SLC25A31: variants seen among roughly 807,000 people sequenced by gnomAD.
SLC25A31 encodes solute carrier family 25 member 31, also known as ADP/ATP translocase 4.
Under a neutral mutation model 36.2 loss-of-function variants are expected in SLC25A31, and 40 were observed. The observed-to-expected ratio is 1.10, with a 90% CI of 0.86 to 1.44. The LOEUF (loss-of-function observed/expected upper bound fraction) is 1.44, where lower values mean the gene tolerates loss of function less well. SLC25A31 is among the 40% of genes most tolerant of loss of function. The probability of loss-of-function intolerance (pLI) is 0.00; values close to 1 mark genes in which losing one functional copy is unlikely to be tolerated. For synonymous variants in SLC25A31, 143 were observed against 149.7 expected, an observed-to-expected ratio of 0.96 and a Z score of 0.32; for missense variants, 350 against 397.1, an observed-to-expected ratio of 0.88 and a Z score of 1.01.
chr4:127,738,932 T>C (rs1731683640), intron 1 of SLC25A31, among the ~76,000 whole-genome samples: 1 of 152,210 alleles, frequency 6.6e-6, no homozygotes, highest in Admixed American at 6.5e-5. Flanking sequence ...TGACCCCTGC[T>C]CTTTTTTGTT....
chr4:127,770,189 G>A lies in SLC25A31; in HGVS notation c.759+1312G>A, dbSNP rs188283042. 9.8e-5 allele frequency among the ~76,000 whole-genome samples: 15 copies of A among 152,290 alleles called. No homozygotes were observed. The East Asian group carries it at 2.5e-3, about 25-fold the overall frequency. ...TCTTTTCTTTCTATAGCTAGCTCTA[G>A]TTTAGCACATTGAGAAACTTTTTAA... On this transcript the variant is annotated intron_variant, in intron 5 of 5. Transcript: ENST00000281154.
chr4:127,742,649 G>T (rs1169895086), intron 1 of SLC25A31, among the ~76,000 whole-genome samples: 3 of 152,220 alleles, frequency 2.0e-5, no homozygotes, highest in East Asian at 1.9e-4. Context: ...TGGCATTTTG[G>T]TAACACTAAT....
intron 5 of SLC25A31, 78 bp downstream of exon 5, chr4:127,768,955 A>C: frequency 7.4e-7 from 1 of 1,350,984 alleles, no homozygotes; most frequent in Non-Finnish European, 9.9e-7. Context: ...ATTTAAGAGA[A>C]ATGTTGGCTG....
intron 1 of SLC25A31, among the ~76,000 whole-genome samples, chr4:127,735,546 T>A (rs1731608583): frequency 2.0e-5 from 3 of 152,228 alleles, no homozygotes; most frequent in Admixed American, 6.5e-5. Flanking sequence ...GTAAGCTCCA[T>A]AAGATCAGGA....
rs191715230 is a variant in SLC25A31, at chr4:127,737,621, G to A, written c.232+6844G>A. Among the ~76,000 whole-genome samples, 26 of 151,738 alleles carry A rather than the reference G, an allele frequency of 1.7e-4. No homozygotes were observed. The East Asian group carries it at 1.7e-3, about 10-fold the overall frequency. ...CCAGGCTGGACTGCAGGGCACAATC[G>A]TGACTTAACTGCAGCCTGGAGTTTT... On this transcript the variant is annotated intron_variant, in intron 1 of 5. Transcript: ENST00000281154.
intron 2 of SLC25A31, among the ~76,000 whole-genome samples, chr4:127,750,306 A>G (rs1731905716): frequency 2.6e-5 from 4 of 152,226 alleles, no homozygotes; most frequent in African/African-American, 9.7e-5. Context: ...TAAACTCATA[A>G]GTGGAAAATA....
intron 1 of SLC25A31, among the ~76,000 whole-genome samples, chr4:127,737,377 G>T (rs1253860368): frequency 6.6e-6 from 1 of 151,928 alleles, no homozygotes; most frequent in Non-Finnish European, 1.5e-5. Context: ...GGTTTTATTC[G>T]TGCAAATACA....
chr4:127,749,265 G>T (rs755658426), intron 2 of SLC25A31, among the ~76,000 whole-genome samples: 4 of 152,092 alleles, frequency 2.6e-5, no homozygotes, highest in Non-Finnish European at 4.4e-5. Flanking sequence ...AAAGCATAAG[G>T]AACCTATGAG....
chr4:127,747,549 G>A (rs1240124569), intron 2 of SLC25A31, among the ~76,000 whole-genome samples: 1 of 152,078 alleles, frequency 6.6e-6, no homozygotes, highest in Non-Finnish European at 1.5e-5. Flanking sequence ...CTTTGTGACT[G>A]TATGAGGTTT....
chr4:127,748,238 G>A (rs1439772092), intron 2 of SLC25A31, among the ~76,000 whole-genome samples: 1 of 152,182 alleles, frequency 6.6e-6, no homozygotes. Context: ...ACTCACCTCA[G>A]TCCCTTATAG....
chr4:127,770,740 G>T (rs552304787), intron 5 of SLC25A31, among the ~76,000 whole-genome samples: 1 of 151,950 alleles, frequency 6.6e-6, no homozygotes, highest in Non-Finnish European at 1.5e-5. Context: ...AGTCTTATAT[G>T]TGTGTGTGTA....
intron 2 of SLC25A31, among the ~76,000 whole-genome samples, chr4:127,754,343 A>G (rs1482087468): frequency 6.6e-6 from 1 of 152,138 alleles, no homozygotes; most frequent in East Asian, 1.9e-4. Flanking sequence ...AGAAAGAAGT[A>G]ATATTGTCTC....
At chr4:127,757,972 G>C (rs1732060544) in intron 2 of SLC25A31, among the ~76,000 whole-genome samples, 1 of 152,184 alleles carries the variant, frequency 6.6e-6, no homozygotes, top group Non-Finnish European at 1.5e-5. Flanking sequence ...GGCTGGGGAG[G>C]CCTCAGAATC....
At chr4:127,757,211 T>A (rs1732047387) in intron 2 of SLC25A31, among the ~76,000 whole-genome samples, 1 of 152,204 alleles carries the variant, frequency 6.6e-6, no homozygotes, top group Non-Finnish European at 1.5e-5. Context: ...ATGCTGGGGT[T>A]TGGGCATCTG....
chr4:127,758,752 G>A lies in SLC25A31; in HGVS notation c.361-5491G>A, dbSNP rs1378736666. Among the ~76,000 whole-genome samples the A allele has an allele frequency of 2.0e-5, 3 of 152,088 alleles. No individual in the cohort carries two copies. The East Asian group carries it at 5.8e-4, about 29-fold the overall frequency. On this transcript the variant is annotated intron_variant, in intron 2 of 5. Transcript: ENST00000281154. The stretch of plus-strand genomic sequence containing the variant: ...TGTCCTTTTCTTATTGTTTATTATT[G>A]TCAACTTTGTTAAAGATCAGTTGAG...
intron 1 of SLC25A31, among the ~76,000 whole-genome samples, chr4:127,733,131 C>T (rs753954074): frequency 1.3e-5 from 2 of 152,082 alleles, no homozygotes; most frequent in South Asian, 4.2e-4. Flanking sequence ...TACACTGATT[C>T]CAGTAATGCA....
Position 127,768,926 on chromosome 4 carries a change from G to C in SLC25A31, c.759+49G>C, listed in dbSNP as rs762016535. 2.7e-6 allele frequency: 4 copies of C among 1,496,856 alleles called. No individual in the cohort carries two copies. In the Admixed American group the frequency reaches 9.2e-5, roughly 34 times the overall value. 92.7% of individuals were successfully genotyped at this position (1,496,856 alleles called of 1,614,324 possible). A position where few individuals can be genotyped will look rare whatever the true frequency, so the allele number is the denominator to read the frequency against. On this transcript the variant is annotated intron_variant, in intron 5 of 5. Transcript: ENST00000281154. Reference sequence around the variant, plus strand: ...GCTTAGTTGAGTTTTTAATATCTCTGATATTTAGGTATAATCAAATTTAAG... The same window carrying C: ...GCTTAGTTGAGTTTTTAATATCTCTCATATTTAGGTATAATCAAATTTAAG...
rs891725366 is a variant in SLC25A31, at chr4:127,730,429, G to C, written c.-117G>C. ...GCGCGCGGCTCTCTCAGCGTCCCAAGAGCCACTTTCTCGCCAGTACGATGC... is the reference window on the plus strand; with the variant it reads ...GCGCGCGGCTCTCTCAGCGTCCCAACAGCCACTTTCTCGCCAGTACGATGC... On this transcript the variant is annotated 5_prime_UTR_variant, in exon 1 of 6. Coordinates refer to ENST00000281154, the MANE Select transcript of SLC25A31 (RefSeq NM_031291.4). The C allele has an allele frequency of 1.9e-5, 22 of 1,142,780 alleles. No homozygotes were observed. The highest frequency in any genetic ancestry group is 2.6e-5 in the Non-Finnish European group (21 of 808,128). 70.8% of individuals were successfully genotyped at this position (1,142,780 alleles called of 1,614,324 possible).
chr4:127,747,931 C>A (rs376119356), intron 2 of SLC25A31, among the ~76,000 whole-genome samples: 91 of 152,278 alleles, frequency 6.0e-4, no homozygotes, highest in Middle Eastern at 3.4e-3. Context: ...CCTAGAGAAA[C>A]CAGGTGCAAG....
Sources: gnomAD v4.1 joint callset for allele counts (sites outside exome capture counted in the v4.1 genomes callset) on GRCh38, gnomAD v4.1.1 for gene constraint, MANE v1.5 for transcripts, NCBI Gene and HGNC (gene_info 2026-07-23, HGNC 2026-07-21) for gene names.